WIPF2: variants seen among roughly 807,000 people sequenced by gnomAD.
WIPF2 encodes WAS/WASL-interacting protein family member 2.
A neutral mutation model predicts 38.8 loss-of-function variants in WIPF2; 23 were observed. The observed-to-expected ratio is 0.59, with a 90% CI of 0.43 to 0.84. WIPF2 has a LOEUF of 0.84. Ranked by LOEUF, WIPF2 falls within the 40% of genes least tolerant of loss-of-function variation. WIPF2 has a pLI of 0.00. For synonymous variants in WIPF2, 210 were observed against 223.2 expected, an observed-to-expected ratio of 0.94 and a Z score of 0.53; for missense variants, 574 against 580.5, an observed-to-expected ratio of 0.99 and a Z score of 0.11.
rs2032500947 is a variant in WIPF2, at chr17:40,279,590, AG to A, written c.*1367del. The stretch of plus-strand genomic sequence containing the variant: ...GTCCTAAAGAGCACAGAGAAAATGG[AG>A]GTCCCCAGTCTAGGTAGGAAGCTGA... On this transcript the variant is annotated 3_prime_UTR_variant, in exon 8 of 8. Transcript: ENST00000323571. 1.3e-5 allele frequency: 2 copies of A among 152,596 alleles called. 1 individual carries two copies. Among genetic ancestry groups the A allele is most frequent in the South Asian group, 4.1e-4 (2 of 4,826 alleles). The allele number at this position is 152,596 out of a possible 1,614,324, so 9.5% of individuals were successfully genotyped here.
At chr17:40,247,895 G>A (rs750156391) in intron 1 of WIPF2, among the ~76,000 whole-genome samples, 11 of 152,154 alleles carry the variant, frequency 7.2e-5, no homozygotes, top group Admixed American at 2.6e-4. Context: ...TTATCAGAAT[G>A]GGTGAAATTG....
chr17:40,266,595 A>G (rs1029856111), intron 5 of WIPF2, among the ~76,000 whole-genome samples: 4 of 152,188 alleles, frequency 2.6e-5, no homozygotes, highest in Non-Finnish European at 4.4e-5. Context: ...AATCTCTTAA[A>G]GAGTTCGCTG....
chr17:40,261,356 C>A (rs1010751336), intron 3 of WIPF2, among the ~76,000 whole-genome samples: 14 of 151,808 alleles, frequency 9.2e-5, no homozygotes, highest in Non-Finnish European at 2.1e-4. Flanking sequence ...TGCAGTGGCA[C>A]GGTTTCAGCT....
chr17:40,239,603 GACTC>G (rs1220209069), intron 1 of WIPF2, among the ~76,000 whole-genome samples: 1 of 151,822 alleles, frequency 6.6e-6, no homozygotes, highest in African/African-American at 2.4e-5. Flanking sequence ...TCTCACCGTT[GACTC>G]ATTAGGCTTT....
intron 1 of WIPF2, among the ~76,000 whole-genome samples, chr17:40,238,399 G>A (rs1254656730): frequency 6.6e-6 from 1 of 151,996 alleles, no homozygotes; most frequent in African/African-American, 2.4e-5. Flanking sequence ...TGCCTCCCCA[G>A]TTCAAGCAAT....
chr17:40,223,240 T>C (rs1420778022), intron 1 of WIPF2, among the ~76,000 whole-genome samples: 2 of 151,858 alleles, frequency 1.3e-5, no homozygotes, highest in Non-Finnish European at 2.9e-5. Context: ...GTCTCCTGGG[T>C]TCAAGCAATT....
intron 1 of WIPF2, among the ~76,000 whole-genome samples, chr17:40,226,581 G>A (rs958728937): frequency 6.6e-6 from 1 of 152,004 alleles, no homozygotes; most frequent in Non-Finnish European, 1.5e-5. Context: ...TGGATAAGTG[G>A]ACTTTTCCTT....
Position 40,273,974 on chromosome 17 carries a change from T to G in WIPF2, c.1155T>G (p.Ser385=), listed in dbSNP as rs781211868. The part of the protein sequence containing the change: ...PPPLRNGHRD[S]ITTVRSFLDD... ...CCCTGAGGAATGGCCACAGAGATTC[T>G]ATCACCACTGTCCGGTCTTTCTTGG... The change falls in exon 6 of 8, where the codon TCT becomes TCG. Residue 385 remains serine, a synonymous_variant. Coordinates refer to ENST00000323571, the MANE Select transcript of WIPF2 (RefSeq NM_133264.5). 1.3e-6 allele frequency: 2 copies of G among 1,577,702 alleles called. No individual in the cohort carries two copies. Among genetic ancestry groups the G allele is most frequent in the Admixed American group, 3.6e-5 (2 of 54,844 alleles).
chr17:40,269,644 G>C lies in WIPF2; in HGVS notation c.971-4146G>C, dbSNP rs1360289993. On this transcript the variant is annotated intron_variant, in intron 5 of 7. Coordinates refer to ENST00000323571, the MANE Select transcript of WIPF2 (RefSeq NM_133264.5). Reference sequence around the variant, plus strand: ...TTTTGAGATGGAGTCTTGCTCTGTCGCCCAGGCTGGAGTGCAGTGGCGCGA... The same window carrying C: ...TTTTGAGATGGAGTCTTGCTCTGTCCCCCAGGCTGGAGTGCAGTGGCGCGA... 5.2e-5 allele frequency among the ~76,000 whole-genome samples: 6 copies of C among 115,068 alleles called. No homozygotes were observed. In the East Asian group the frequency reaches 1.6e-3, roughly 30 times the overall value. 75.5% of individuals were successfully genotyped at this position (115,068 alleles called of 152,430 possible).
chr17:40,255,480 C>T (rs2145360585), intron 1 of WIPF2, among the ~76,000 whole-genome samples: 1 of 151,974 alleles, frequency 6.6e-6, no homozygotes, highest in African/African-American at 2.4e-5. Context: ...CATGTGCCAC[C>T]ATGCCCAGTT....
chr17:40,237,259 G>A (rs1052398039), intron 1 of WIPF2, among the ~76,000 whole-genome samples: 30 of 33,520 alleles, frequency 8.9e-4, no homozygotes, highest in African/African-American at 3.4e-3. Flanking sequence ...TTTTTTTTTT[G>A]AGACAGAGTC....
chr17:40,253,815 T>C (rs976780131), intron 1 of WIPF2, among the ~76,000 whole-genome samples: 2 of 152,186 alleles, frequency 1.3e-5, no homozygotes, highest in African/African-American at 4.8e-5. Context: ...TTGAAGACTT[T>C]TACTGTCTCA....
chr17:40,277,739 T>TTTTTTTTTTTTTTTTTTTTTTTC lies in WIPF2; in HGVS notation c.1283-443_1283-442insTTTTTTTTTTTTTTTTTTTCTTT, dbSNP rs1214706671. ...TTCGTTGTCCTTTTTTTTTTTTTTT[T>TTTTTTTTTTTTTTTTTTTTTTTC]TTTGAGATAGGGTCTCCCTATCGTC... On this transcript the variant is annotated intron_variant, in intron 7 of 7. Coordinates refer to ENST00000323571, the MANE Select transcript of WIPF2 (RefSeq NM_133264.5). Among the ~76,000 whole-genome samples the TTTTTTTTTTTTTTTTTTTTTTTC allele has an allele frequency of 2.5e-4, 37 of 147,418 alleles. 1 individual carries two copies. Among genetic ancestry groups the TTTTTTTTTTTTTTTTTTTTTTTC allele is most frequent in the African/African-American group, 9.4e-4 (36 of 38,430 alleles).
rs58758484 is a variant in WIPF2, at chr17:40,222,654, G to GTTTTTTTTTTTTT, written c.-70+3183_-70+3195dup. 5.7e-5 allele frequency among the ~76,000 whole-genome samples: 3 copies of GTTTTTTTTTTTTT among 52,820 alleles called. 1 individual carries two copies. The highest frequency in any genetic ancestry group is 1.1e-4 in the Non-Finnish European group (3 of 28,078). The allele number at this position is 52,820 out of a possible 152,430, so 34.7% of individuals were successfully genotyped here. On this transcript the variant is annotated intron_variant, in intron 1 of 7. Transcript: ENST00000323571. ...CTGGTTTTGATTTGATGCATATTCAGTTTTTTTTTTTTTTTTTTTTTTTTT... is the reference window on the plus strand; with the variant it reads ...CTGGTTTTGATTTGATGCATATTCAGTTTTTTTTTTTTTTTTTTTTTTTTTTTTTTTTTTTTTT...
chr17:40,276,429 G>C (rs968290103), intron 6 of WIPF2, among the ~76,000 whole-genome samples: 43 of 141,500 alleles, frequency 3.0e-4, no homozygotes, highest in African/African-American at 1.1e-3. Context: ...GCTGGGGCAG[G>C]AGAATCGCTT....
In WIPF2 at chr17:40,226,348, C is replaced by T. The variant is rs951244471; in HGVS notation, c.-70+6856C>T. Among the ~76,000 whole-genome samples the T allele has an allele frequency of 6.6e-5, 10 of 151,700 alleles. No individual in the cohort carries two copies. In the South Asian group the frequency reaches 8.3e-4, roughly 13 times the overall value. ...CCTCCCGAGTAGCTGGGATTACAGGCGCACACCACCACACCCGGCTAATTT... is the reference window on the plus strand; with the variant it reads ...CCTCCCGAGTAGCTGGGATTACAGGTGCACACCACCACACCCGGCTAATTT... On this transcript the variant is annotated intron_variant, in intron 1 of 7. Coordinates refer to ENST00000323571, the MANE Select transcript of WIPF2 (RefSeq NM_133264.5).
chr17:40,283,215 C>T lies in WIPF2; in HGVS notation c.*4990C>T, dbSNP rs1290971669. 1 of 138,762 alleles carries T rather than the reference C, an allele frequency of 7.2e-6. No homozygotes were observed. Among genetic ancestry groups the T allele is most frequent in the Non-Finnish European group, 1.5e-5 (1 of 65,786 alleles). 8.6% of individuals were successfully genotyped at this position (138,762 alleles called of 1,614,324 possible). On this transcript the variant is annotated 3_prime_UTR_variant, in exon 8 of 8. Transcript: ENST00000323571. ...AAATTCTAGAGTTCTAGTTACCCTTCCTGGGAGATTCTGATGGTCCTTATT... is the reference window on the plus strand; with the variant it reads ...AAATTCTAGAGTTCTAGTTACCCTTTCTGGGAGATTCTGATGGTCCTTATT...
At position 40,283,153 on chromosome 17, in the gene WIPF2, TAAAAAAAAAAAAAAAAAAAAAAAAA is replaced by T. The variant is rs71152662; in HGVS notation, c.*4943_*4967del. 5.8e-5 allele frequency: 1 copy of T among 17,356 alleles called. No homozygotes were observed. The highest frequency in any genetic ancestry group is 1.0e-4 in the Non-Finnish European group (1 of 9,576). The allele number at this position is 17,356 out of a possible 1,614,324, so 1.1% of individuals were successfully genotyped here. On this transcript the variant is annotated 3_prime_UTR_variant, in exon 8 of 8. Transcript: ENST00000323571. Reference sequence around the variant, plus strand: ...CTGAGCTGAGATCATGCCACTGCACTAAAAAAAAAAAAAAAAAAAAAAAAAAAAAAAAAAAAAAATTCTAGAGTTC... The same window carrying T: ...CTGAGCTGAGATCATGCCACTGCACTAAAAAAAAAAAAAATTCTAGAGTTC...
intron 1 of WIPF2, among the ~76,000 whole-genome samples, chr17:40,232,179 ATTTTTTTTTTTTTTTTTTTTTTT>A (rs752876006): frequency 2.6e-5 from 2 of 76,056 alleles, no homozygotes; most frequent in African/African-American, 6.9e-5. Context: ...TGCCTGGCTA[ATTTTTTTTTTTTTTTTTTTTTTT>A]TTTTTGAGAC....
Sources: gnomAD v4.1 joint callset for allele counts (sites outside exome capture counted in the v4.1 genomes callset) on GRCh38, gnomAD v4.1.1 for gene constraint, MANE v1.5 for transcripts, NCBI Gene and HGNC (gene_info 2026-07-23, HGNC 2026-07-21) for gene names.